Variants in KANK1 observed in about 807,000 individuals in gnomAD.
KANK1 encodes the protein KN motif and ankyrin repeat domain-containing protein 1.
In KANK1, 109 loss-of-function variants were observed where a neutral mutation model predicts 106.2. The observed-to-expected ratio is 1.03, with a 90% CI of 0.88 to 1.20. The LOEUF is 1.20. Among genes scored for constraint, KANK1 ranks in the 50% most tolerant of loss-of-function variants. The pLI is 0.00. For missense variants in KANK1, 2,399 were observed against 1,710.7 expected (o/e 1.40, Z -7.10); for synonymous variants, 873 against 652.2 (o/e 1.34, Z -5.16).
intron 2 of KANK1, among the ~76,000 whole-genome samples, chr9:683,092 G>A (rs983942305): frequency 2.0e-5 from 3 of 152,156 alleles, no homozygotes; most frequent in Non-Finnish European, 2.9e-5. Flanking sequence ...GAAACACACA[G>A]CACAGCAGAG....
In KANK1 at chr9:588,713, C is replaced by G. The variant is rs914111732; in HGVS notation, c.-84+83959C>G. Among the ~76,000 whole-genome samples the G allele has an allele frequency of 2.0e-5, 3 of 152,282 alleles. No individual in the cohort carries two copies. The East Asian group carries it at 5.8e-4, about 29-fold the overall frequency. ...TTATTTCTATCTAGCACCCACTTTG[C>G]CACTAACAGAATCGGATAGGGCACG... On this transcript the variant is annotated intron_variant, in intron 1 of 11. Coordinates refer to ENST00000382297, the MANE Select transcript of KANK1 (RefSeq NM_015158.5).
At chr9:681,313 A>G (rs72691397) in intron 2 of KANK1, among the ~76,000 whole-genome samples, 1,753 of 152,294 alleles carry the variant, frequency 0.012, 46 homozygotes, top group African/African-American at 0.04. Context: ...ATTGCTCTTG[A>G]CTGTTCTCTC....
intron 1 of KANK1, among the ~76,000 whole-genome samples, chr9:504,965 G>C (rs2058676018): frequency 6.6e-6 from 1 of 151,072 alleles, no homozygotes; most frequent in Non-Finnish European, 1.5e-5. Flanking sequence ...GGTCCTGGGG[G>C]GGGGTCCGAG....
chr9:629,340 ACT>A (rs1276837178), intron 1 of KANK1, among the ~76,000 whole-genome samples: 1 of 151,292 alleles, frequency 6.6e-6, no homozygotes. Context: ...GTCACGAGTC[ACT>A]CTCTCTCTTC....
chr9:633,309 T>A (rs1295215990), intron 1 of KANK1, among the ~76,000 whole-genome samples: 1 of 151,754 alleles, frequency 6.6e-6, no homozygotes, highest in Non-Finnish European at 1.5e-5. Flanking sequence ...ACAAAAAAAA[T>A]TAGCCGGGCG....
chr9:717,140 C>T (rs1191614722), intron 3 of KANK1, among the ~76,000 whole-genome samples: 1 of 151,938 alleles, frequency 6.6e-6, no homozygotes, highest in Non-Finnish European at 1.5e-5. Flanking sequence ...CAAAAATTTG[C>T]CAGGCGTGAT....
intron 2 of KANK1, among the ~76,000 whole-genome samples, chr9:694,450 C>G (rs1185388509): frequency 6.6e-6 from 1 of 152,142 alleles, no homozygotes; most frequent in Non-Finnish European, 1.5e-5. Flanking sequence ...TGTATTTCAG[C>G]AACAACTTTT....
intron 1 of KANK1, among the ~76,000 whole-genome samples, chr9:505,741 T>A (rs1475094068): frequency 6.6e-6 from 1 of 152,196 alleles, no homozygotes. Context: ...GCCCATCTTA[T>A]TAAATAGTGG....
At chr9:507,492 C>T (rs529975906) in intron 1 of KANK1, among the ~76,000 whole-genome samples, 292 of 152,028 alleles carry the variant, frequency 1.9e-3, no homozygotes, top group Non-Finnish European at 3.1e-3. Flanking sequence ...CAGGTTTAAG[C>T]GATTCTCCTG....
chr9:485,682 G>A (rs1001469256), intron 3 of KANK1, among the ~76,000 whole-genome samples: 11 of 152,034 alleles, frequency 7.2e-5, no homozygotes, highest in East Asian at 1.9e-4. Context: ...AGACCAGCCC[G>A]GCCAACATGG....
At chr9:531,313 C>G (rs2060045288) in intron 1 of KANK1, among the ~76,000 whole-genome samples, 1 of 151,994 alleles carries the variant, frequency 6.6e-6, no homozygotes, top group African/African-American at 2.4e-5. Context: ...TGCCTATAGT[C>G]CCAGCTACTG....
intron 1 of KANK1, among the ~76,000 whole-genome samples, chr9:589,853 T>A (rs539199607): frequency 1.3e-5 from 2 of 152,268 alleles, no homozygotes; most frequent in South Asian, 2.1e-4. Context: ...GAATTAGAAA[T>A]GCCTGCCAGA....
chr9:539,126 C>T (rs550243555), intron 1 of KANK1, among the ~76,000 whole-genome samples: 1 of 152,220 alleles, frequency 6.6e-6, no homozygotes, highest in African/African-American at 2.4e-5. Flanking sequence ...AGTGATCCAC[C>T]TGCCTCGGCC....
chr9:706,340 G>A (rs1355886626), intron 2 of KANK1, among the ~76,000 whole-genome samples: 1 of 152,134 alleles, frequency 6.6e-6, no homozygotes, highest in East Asian at 1.9e-4. Flanking sequence ...TCTACAAGGT[G>A]AACTAAAGAA....
Position 559,223 on chromosome 9 carries a change from A to G in KANK1, c.-84+54469A>G, listed in dbSNP as rs141039862. Among the ~76,000 whole-genome samples the G allele has an allele frequency of 4.0e-3, 602 of 152,322 alleles. 2 individuals are homozygous for G. Among genetic ancestry groups the G allele is most frequent in the African/African-American group, 0.013 (543 of 41,570 alleles). Reference sequence around the variant, plus strand: ...GTTTTATAGATTTATTCTAAACTAAAAGTTAATGGTAGTTGCCATTTATAA... The same window carrying G: ...GTTTTATAGATTTATTCTAAACTAAGAGTTAATGGTAGTTGCCATTTATAA... On this transcript the variant is annotated intron_variant, in intron 1 of 11. Coordinates refer to ENST00000382297, the MANE Select transcript of KANK1 (RefSeq NM_015158.5).
chr9:645,772 C>G (rs1433692396), intron 1 of KANK1, among the ~76,000 whole-genome samples: 1 of 150,534 alleles, frequency 6.6e-6, no homozygotes, highest in African/African-American at 2.5e-5. Flanking sequence ...GTAATCCTGA[C>G]CAGCCAGCTG....
At chr9:705,681 C>G (rs1231318149) in intron 2 of KANK1, among the ~76,000 whole-genome samples, 2 of 151,622 alleles carry the variant, frequency 1.3e-5, no homozygotes, top group African/African-American at 4.8e-5. Flanking sequence ...TCACTGCAAC[C>G]TTCACCTCCC....
intron 3 of KANK1, among the ~76,000 whole-genome samples, chr9:494,916 G>GA (rs2058435159): frequency 6.6e-6 from 1 of 152,184 alleles, no homozygotes; most frequent in Admixed American, 6.6e-5. Context: ...AGATAACACA[G>GA]AAGGGGCAAG....
chr9:540,989 C>T (rs10975049), intron 1 of KANK1, among the ~76,000 whole-genome samples: 9,090 of 152,076 alleles, frequency 0.06, 314 homozygotes, highest in South Asian at 0.084. Flanking sequence ...TTGGGCTGTT[C>T]CTTTTCTAAT....
Sources: allele counts gnomAD v4.1 joint callset (sites outside exome capture counted in the v4.1 genomes callset), GRCh38; gene constraint gnomAD v4.1.1; transcripts MANE v1.5; gene names NCBI Gene and HGNC (gene_info 2026-07-23, HGNC 2026-07-21).